SLC14A2: variants seen among roughly 807,000 people sequenced by gnomAD.
SLC14A2 encodes the protein urea transporter 2.
In SLC14A2, 91 loss-of-function variants were observed where a neutral mutation model predicts 104.6. That is an observed-to-expected ratio of 0.87 (90% CI 0.73 to 1.04). SLC14A2 has a LOEUF of 1.04. Among genes scored for constraint, SLC14A2 ranks in the 50% least tolerant of loss-of-function variants. SLC14A2 has a pLI of 0.00. For missense variants in SLC14A2, 1,189 were observed against 1,156.0 expected (o/e 1.03, Z -0.41); for synonymous variants, 476 against 466.4 (o/e 1.02, Z -0.27).
intron 1 of SLC14A2, among the ~76,000 whole-genome samples, chr18:45,256,822 A>G (rs1431393031): frequency 6.6e-6 from 1 of 152,244 alleles, no homozygotes; most frequent in Non-Finnish European, 1.5e-5. Context: ...AATCTCAGGT[A>G]TAACCTAAAT....
At chr18:45,421,330 A>G (rs1219929599) in intron 1 of SLC14A2, among the ~76,000 whole-genome samples, 3 of 151,888 alleles carry the variant, frequency 2.0e-5, no homozygotes, top group African/African-American at 7.3e-5. Context: ...TGTCAAATCA[A>G]CAACCCTCTT....
chr18:45,681,422 G>A (rs1157657721), intron 19 of SLC14A2, among the ~76,000 whole-genome samples: 1 of 152,224 alleles, frequency 6.6e-6, no homozygotes, highest in Non-Finnish European at 1.5e-5. Context: ...CATATTTGAT[G>A]TGCCTCGTAA....
chr18:45,621,097 A>G (rs2045159560), intron 1 of SLC14A2, among the ~76,000 whole-genome samples: 2 of 152,128 alleles, frequency 1.3e-5, no homozygotes, highest in African/African-American at 2.4e-5. Context: ...TACTTTTCAT[A>G]TGGTTGGCTT....
chr18:45,286,674 T>C (rs901207884), intron 1 of SLC14A2, among the ~76,000 whole-genome samples: 3 of 152,124 alleles, frequency 2.0e-5, no homozygotes, highest in Admixed American at 6.5e-5. Flanking sequence ...ATTCACAGTT[T>C]TAATGCATGC....
At chr18:45,254,471 G>T (rs545345187) in intron 1 of SLC14A2, among the ~76,000 whole-genome samples, 1 of 152,146 alleles carries the variant, frequency 6.6e-6, no homozygotes, top group South Asian at 2.1e-4. Context: ...TTTGGAAAGG[G>T]GTCCTCAGGG....
At chr18:45,240,650 G>C (rs57981952) in intron 1 of SLC14A2, among the ~76,000 whole-genome samples, 2 of 144,042 alleles carry the variant, frequency 1.4e-5, no homozygotes, top group African/African-American at 2.8e-5. Context: ...TGTTTTTTTT[G>C]TTTTTGTTTT....
At chr18:45,379,854 T>C (rs1176972977) in intron 1 of SLC14A2, among the ~76,000 whole-genome samples, 1 of 152,230 alleles carries the variant, frequency 6.6e-6, no homozygotes, top group Non-Finnish European at 1.5e-5. Flanking sequence ...TACATGGACC[T>C]GTAGAGGTAT....
intron 1 of SLC14A2, among the ~76,000 whole-genome samples, chr18:45,623,768 A>G (rs761112449): frequency 5.9e-5 from 9 of 152,202 alleles, no homozygotes; most frequent in Non-Finnish European, 1.2e-4. Flanking sequence ...GAAGGGATGC[A>G]GCATGGAGCA....
chr18:45,319,196 C>T (rs2085160971), intron 1 of SLC14A2, among the ~76,000 whole-genome samples: 1 of 152,186 alleles, frequency 6.6e-6, no homozygotes, highest in African/African-American at 2.4e-5. Context: ...CTTTGAGGCT[C>T]AGCTCGAAGA....
chr18:45,582,398 G>A (rs529631261), intron 2 of SLC14A2, among the ~76,000 whole-genome samples: 14 of 152,244 alleles, frequency 9.2e-5, no homozygotes, highest in South Asian at 6.2e-4. Flanking sequence ...AGACATACCA[G>A]AGCAGGTGGT....
chr18:45,612,230 C>T (rs966067090), upstream of SLC14A2, among the ~76,000 whole-genome samples: 19 of 152,202 alleles, frequency 1.2e-4, no homozygotes, highest in African/African-American at 4.3e-4. Flanking sequence ...GAGAGAACTG[C>T]CCAGAGCTCA....
chr18:45,404,425 T>TCC (rs2086131150), intron 1 of SLC14A2, among the ~76,000 whole-genome samples: 1 of 152,136 alleles, frequency 6.6e-6, no homozygotes, highest in Admixed American at 6.5e-5. Flanking sequence ...ACTCCTGACT[T>TCC]CCCCCCTTTC....
chr18:45,552,619 A>G (rs1403132730), intron 2 of SLC14A2, among the ~76,000 whole-genome samples: 1 of 152,230 alleles, frequency 6.6e-6, no homozygotes, highest in Non-Finnish European at 1.5e-5. Flanking sequence ...GTGTGTGTGG[A>G]AAAACAAAAT....
upstream of SLC14A2, among the ~76,000 whole-genome samples, chr18:45,611,755 T>C (rs2044975125): frequency 6.6e-6 from 1 of 152,178 alleles, no homozygotes; most frequent in African/African-American, 2.4e-5. Context: ...CTGTGTCAAC[T>C]CACTGTGTGG....
intron 2 of SLC14A2, among the ~76,000 whole-genome samples, chr18:45,563,579 T>G (rs2144316519): frequency 6.6e-6 from 1 of 152,354 alleles, no homozygotes. Flanking sequence ...TCCTACATTT[T>G]TTTTGGCTAC....
At chr18:45,553,447 G>A (rs1362832) in intron 2 of SLC14A2, among the ~76,000 whole-genome samples, 11,433 of 152,214 alleles carry the variant, frequency 0.075, 559 homozygotes, top group East Asian at 0.19. Context: ...GTTGATGGGT[G>A]AGGATGACAA....
chr18:45,677,127 T>G (rs1255540352), intron 18 of SLC14A2, among the ~76,000 whole-genome samples: 1 of 152,248 alleles, frequency 6.6e-6, no homozygotes, highest in Non-Finnish European at 1.5e-5. Flanking sequence ...TTCTTTCTTC[T>G]ATCCTTCCTC....
At chr18:45,480,207 A>G (rs1342331692) in intron 1 of SLC14A2, among the ~76,000 whole-genome samples, 1 of 152,222 alleles carries the variant, frequency 6.6e-6, no homozygotes, top group African/African-American at 2.4e-5. Context: ...TTGAGTCTAC[A>G]AGTAACACCA....
chr18:45,301,834 C>A (rs1430653895), intron 1 of SLC14A2, among the ~76,000 whole-genome samples: 1 of 152,188 alleles, frequency 6.6e-6, no homozygotes, highest in Non-Finnish European at 1.5e-5. Flanking sequence ...CCAGTCTGGC[C>A]CATTTATTTG....
Sources: gnomAD v4.1 joint callset for allele counts (sites outside exome capture counted in the v4.1 genomes callset) on GRCh38, gnomAD v4.1.1 for gene constraint, MANE v1.5 for transcripts, NCBI Gene and HGNC (gene_info 2026-07-23, HGNC 2026-07-21) for gene names.